The following ZNF680 variants were observed in gnomAD, a reference collection of about 807,000 sequenced individuals.
ZNF680 encodes zinc finger protein 680, also known as hypothetical protein FLJ90430.
ZNF680 carries 6 observed loss-of-function variants against 12.1 expected under a neutral mutation model. That is an observed-to-expected ratio of 0.49 (90% CI 0.27 to 0.98). ZNF680 has a LOEUF of 0.98. ZNF680 is among the 50% of genes least tolerant of loss of function. The probability of loss-of-function intolerance (pLI) is 0.12; values close to 1 mark genes in which losing one functional copy is unlikely to be tolerated. For synonymous variants in ZNF680, 170 were observed against 199.3 expected (o/e 0.85, Z 1.24); for missense variants, 561 against 616.3 (o/e 0.91, Z 0.95).
chr7:64,502,406 T>A, the ZNF680 span, among the ~76,000 whole-genome samples: 1 of 152,280 alleles, frequency 6.6e-6, no homozygotes, highest in African/African-American at 2.4e-5. Context: ...CCTCCCTAAC[T>A]GCAAAAGCAA....
chr7:64,508,240 G>A, the ZNF680 span, among the ~76,000 whole-genome samples: 1 of 149,808 alleles, frequency 6.7e-6, no homozygotes, highest in East Asian at 2.0e-4. Context: ...TGCCTCCTGG[G>A]TTCAAGCATG....
intron 3 of ZNF680, among the ~76,000 whole-genome samples, chr7:64,536,545 C>A (rs1206786258): frequency 2.6e-5 from 4 of 152,178 alleles, no homozygotes; most frequent in Non-Finnish European, 5.9e-5. Flanking sequence ...TCATGCCATT[C>A]ATGAGGAATT....
At chr7:64,518,464 T>C (rs1381645615), downstream of ZNF680, among the ~76,000 whole-genome samples, 3 of 151,976 alleles carry the variant, frequency 2.0e-5, no homozygotes, top group Non-Finnish European at 4.4e-5. Context: ...CATGGATTGG[T>C]AGAATCACTA....
At chr7:64,502,385 T>C in the ZNF680 span, among the ~76,000 whole-genome samples, 1 of 152,144 alleles carries the variant, frequency 6.6e-6, no homozygotes, top group Non-Finnish European at 1.5e-5. Context: ...TTCATACAGT[T>C]TCAGTAGTCG....
intron 1 of ZNF680, among the ~76,000 whole-genome samples, chr7:64,561,813 T>C (rs1319019935): frequency 6.6e-6 from 1 of 151,116 alleles, no homozygotes; most frequent in Non-Finnish European, 1.5e-5. Flanking sequence ...CGGGCGCCTG[T>C]AGTCCCAGCT....
At chr7:64,506,219 C>A in the ZNF680 span, among the ~76,000 whole-genome samples, 1 of 126,682 alleles carries the variant, frequency 7.9e-6, no homozygotes, top group African/African-American at 3.1e-5. Flanking sequence ...TTTTTTGAGA[C>A]GGAGTCTTGC....
At chr7:64,535,258 G>A (rs756215328) in intron 3 of ZNF680, among the ~76,000 whole-genome samples, 30 of 152,068 alleles carry the variant, frequency 2.0e-4, no homozygotes, top group Non-Finnish European at 3.4e-4. Context: ...CCAGCTACTG[G>A]AGACGCTGAA....
At chr7:64,549,603 A>G (rs529981530) in intron 1 of ZNF680, among the ~76,000 whole-genome samples, 4 of 152,112 alleles carry the variant, frequency 2.6e-5, no homozygotes, top group Admixed American at 6.5e-5. Context: ...TGGGTGTTAC[A>G]GCAAATGAGG....
chr7:64,501,285 C>G, the ZNF680 span: 2 of 1,042,396 alleles, frequency 1.9e-6, no homozygotes, highest in Non-Finnish European at 3.0e-6. Context: ...CTGTAGTGCC[C>G]TCGAAACGTC....
intron 3 of ZNF680, among the ~76,000 whole-genome samples, chr7:64,528,497 G>A (rs905758150): frequency 3.3e-5 from 5 of 152,204 alleles, no homozygotes; most frequent in African/African-American, 1.2e-4. Flanking sequence ...CACAGTAGGA[G>A]TAAGACCAGC....
chr7:64,516,632 TA>T (rs1218319986), downstream of ZNF680, among the ~76,000 whole-genome samples: 3 of 152,188 alleles, frequency 2.0e-5, no homozygotes, highest in African/African-American at 7.2e-5. Context: ...AACAGCTGTT[TA>T]CAGAACATTC....
Position 64,563,030 on chromosome 7 carries a change from G to T in ZNF680, c.-76C>A. ...GGCCTCTAGGAGCAGAATACACAGA[G>T]CAGTAAAGACTAGACCTGGAGCTCC... On this transcript the variant is annotated 5_prime_UTR_variant, in exon 1 of 4. Coordinates refer to ENST00000309683, the MANE Select transcript of ZNF680 (RefSeq NM_178558.5). 2.6e-6 allele frequency: 4 copies of T among 1,565,346 alleles called. No individual in the cohort carries two copies. The highest frequency in any genetic ancestry group is 3.5e-6 in the Non-Finnish European group (4 of 1,138,160).
chr7:64,501,734 A>C, the ZNF680 span: 1 of 928,184 alleles, frequency 1.1e-6, no homozygotes, highest in Non-Finnish European at 1.8e-6. Flanking sequence ...TCTTAAGCAC[A>C]TAGTGGGGGT....
the ZNF680 span, among the ~76,000 whole-genome samples, chr7:64,503,378 CTTTTTTTTTT>C: frequency 4.5e-5 from 4 of 89,886 alleles, no homozygotes; most frequent in African/African-American, 1.9e-4. Flanking sequence ...AACTGGAAGG[CTTTTTTTTTT>C]TTTTTTTTTT....
chr7:64,521,472 G>C lies in ZNF680; in HGVS notation c.1282C>G (p.His428Asp). The C allele has an allele frequency of 6.2e-7, 1 of 1,613,400 alleles. No individual in the cohort carries two copies. The highest frequency in any genetic ancestry group is 8.5e-7 in the Non-Finnish European group (1 of 1,179,686). Residue 428 changes from histidine to aspartate, a missense_variant, in exon 4 of 4, where the codon CAC becomes GAC. Physicochemically the swap from His to Asp is moderately conservative, Grantham distance 81 (BLOSUM62 -1). Transcript: ENST00000309683. ...CATTTGTAGGTATTCTCTCTAGTGT[G>C]AATTCTCTTATGTCGAGTAAGGCTG... The part of the protein sequence containing the change: ...CSSLTRHKRI[H>D]TRENTYKCEE...
At chr7:64,528,019 G>A (rs1344197114) in intron 3 of ZNF680, among the ~76,000 whole-genome samples, 1 of 152,188 alleles carries the variant, frequency 6.6e-6, no homozygotes, top group African/African-American at 2.4e-5. Context: ...ATCCTTCACC[G>A]CTGAACATGC....
At chr7:64,511,661 T>G in the ZNF680 span, among the ~76,000 whole-genome samples, 619 of 151,966 alleles carry the variant, frequency 4.1e-3, 5 homozygotes, top group African/African-American at 0.014. Flanking sequence ...TAAAAAAACC[T>G]AAACATAATT....
intron 1 of ZNF680, among the ~76,000 whole-genome samples, chr7:64,548,553 T>G (rs981134116): frequency 6.6e-6 from 1 of 152,194 alleles, no homozygotes; most frequent in African/African-American, 2.4e-5. Flanking sequence ...CCTTTCCTTT[T>G]TTTTCACCCA....
chr7:64,514,336 A>C, the ZNF680 span, among the ~76,000 whole-genome samples: 1 of 152,224 alleles, frequency 6.6e-6, no homozygotes, highest in Non-Finnish European at 1.5e-5. Flanking sequence ...GTGCACCATC[A>C]ATCACAATTA....
Sources: allele counts gnomAD v4.1 joint callset (sites outside exome capture counted in the v4.1 genomes callset), GRCh38; gene constraint gnomAD v4.1.1; transcripts MANE v1.5; gene names NCBI Gene and HGNC (gene_info 2026-07-23, HGNC 2026-07-21).